Variants in DEPDC5 observed in about 807,000 individuals in gnomAD.
DEPDC5 encodes GATOR1 complex protein DEPDC5.
DEPDC5 carries 73 observed loss-of-function variants against 217.3 expected under a neutral mutation model. That is an observed-to-expected ratio of 0.34 (90% confidence interval 0.28 to 0.41). The LOEUF is 0.41. Among genes scored for constraint, DEPDC5 ranks in the 10% least tolerant of loss-of-function variants. The probability of loss-of-function intolerance (pLI) is 1.00; values close to 1 mark genes in which losing one functional copy is unlikely to be tolerated. For missense variants in DEPDC5, 1,675 were observed against 2,070.1 expected (o/e 0.81, Z 3.70); for synonymous variants, 733 against 756.7 (o/e 0.97, Z 0.51).
chr22:31,834,234 G>A (rs1403883235), intron 25 of DEPDC5: 7 of 495,320 alleles, frequency 1.4e-5, no homozygotes, highest in East Asian at 1.0e-4. Context: ...TCCCTATAAG[G>A]CCCCCATGCT....
intron 14 of DEPDC5, among the ~76,000 whole-genome samples, chr22:31,800,919 C>T (rs1459759425): frequency 1.3e-5 from 2 of 149,148 alleles, no homozygotes; most frequent in African/African-American, 2.5e-5. Context: ...GAGGTTGTGG[C>T]GAGCAGAGAT....
At chr22:31,795,065 A>ATTTTTT (rs983604458) in intron 12 of DEPDC5, among the ~76,000 whole-genome samples, 19 of 107,366 alleles carry the variant, frequency 1.8e-4, no homozygotes, top group East Asian at 8.0e-4. Context: ...ATTCCATGTG[A>ATTTTTT]TTTTTTTTTT....
Position 31,901,622 on chromosome 22 carries a change from G to T in DEPDC5, c.4376-120G>T, listed in dbSNP as rs2093650075. ...TTCTCAAAGGGCGTAGTATGGAGAA[G>T]CAGAGGTTAGGCTCAAGGGGACTGA... On this transcript the variant is annotated intron_variant, in intron 40 of 42. Transcript: ENST00000651528. The T allele has an allele frequency of 5.0e-6, 4 of 801,204 alleles. No homozygotes were observed. In the East Asian group the frequency reaches 1.2e-4, roughly 23 times the overall value. 49.6% of individuals were successfully genotyped at this position (801,204 alleles called of 1,614,324 possible).
chr22:31,887,307 C>T (rs2093339692), intron 38 of DEPDC5, among the ~76,000 whole-genome samples: 1 of 149,264 alleles, frequency 6.7e-6, no homozygotes, highest in Admixed American at 6.8e-5. Context: ...GTAATTCCAG[C>T]TGCTCGGGAG....
chr22:31,865,493 T>TCAAAACAAAACAAAA (rs111677630), intron 33 of DEPDC5, among the ~76,000 whole-genome samples: 8 of 151,994 alleles, frequency 5.3e-5, no homozygotes, highest in African/African-American at 1.7e-4. Flanking sequence ...AAGACCTGTC[T>TCAAAACAAAACAAAA]CAAAACAAAA....
At chr22:31,859,918 A>G (rs1441701447) in intron 32 of DEPDC5, among the ~76,000 whole-genome samples, 1 of 152,204 alleles carries the variant, frequency 6.6e-6, no homozygotes, top group East Asian at 1.9e-4. Context: ...ATGTTCTGGC[A>G]GTTAGAAGGG....
Position 31,823,049 on chromosome 22 carries a change from G to A in DEPDC5, c.2104+259G>A, listed in dbSNP as rs78974609. 4,737 of 424,548 alleles carry A rather than the reference G, an allele frequency of 0.011. 133 individuals are homozygous for A. The highest frequency in any genetic ancestry group is 0.065 in the African/African-American group (3,191 of 49,362). The allele number at this position is 424,548 out of a possible 1,614,324, so 26.3% of individuals were successfully genotyped here. A position where few individuals can be genotyped will look rare whatever the true frequency, so the allele number is the denominator to read the frequency against. On this transcript the variant is annotated intron_variant, in intron 24 of 42. Transcript: ENST00000651528. ...CAGAGTTGTGATTGAGGGCAGCTTA[G>A]GAGCATAGTATTGAGGGCAACACCA... is the stretch of plus-strand genomic sequence containing the variant.
At chr22:31,853,727 T>C (rs185999242) in intron 31 of DEPDC5, among the ~76,000 whole-genome samples, 14 of 152,332 alleles carry the variant, frequency 9.2e-5, no homozygotes, top group Non-Finnish European at 2.9e-5. Flanking sequence ...TTTGTGCTGA[T>C]TAATAGCAGT....
At chr22:31,838,094 C>T (rs537258018) in intron 26 of DEPDC5, among the ~76,000 whole-genome samples, 3 of 152,122 alleles carry the variant, frequency 2.0e-5, no homozygotes, top group African/African-American at 7.2e-5. Context: ...TTTTTAACTC[C>T]AGTTGGTTCT....
At position 31,879,067 on chromosome 22, in the gene DEPDC5, T is replaced by TAC. The variant is rs1190686323; in HGVS notation, c.3806-445_3806-444dup. On this transcript the variant is annotated intron_variant, in intron 37 of 42. Coordinates refer to ENST00000651528, the MANE Select transcript of DEPDC5 (RefSeq NM_001242896.3). ...AAATATATATATATATATATATATA[T>TAC]ACACACACACACACGTATATATATA... Among the ~76,000 whole-genome samples, 892 of 133,640 alleles carry TAC rather than the reference T, an allele frequency of 6.7e-3. 3 individuals are homozygous for TAC. The highest frequency in any genetic ancestry group is 0.012 in the Middle Eastern group (3 of 254). 87.7% of individuals were successfully genotyped at this position (133,640 alleles called of 152,430 possible). A position where few individuals can be genotyped will look rare whatever the true frequency, so the allele number is the denominator to read the frequency against.
At chr22:31,874,752 A>T (rs1388088938) in intron 36 of DEPDC5, among the ~76,000 whole-genome samples, 1 of 151,972 alleles carries the variant, frequency 6.6e-6, no homozygotes, top group Non-Finnish European at 1.5e-5. Context: ...CTTATTCAAG[A>T]CTCAATGCTG....
intron 7 of DEPDC5, among the ~76,000 whole-genome samples, chr22:31,773,152 A>C (rs1253496424): frequency 1.3e-5 from 2 of 152,132 alleles, no homozygotes; most frequent in African/African-American, 2.4e-5. Context: ...TAGATGGAGA[A>C]AAGAAAACCC....
In DEPDC5 at chr22:31,759,355, G is replaced by GT. The variant is rs967462029; in HGVS notation, c.146+730dup. On this transcript the variant is annotated intron_variant, in intron 3 of 42. Coordinates refer to ENST00000651528, the MANE Select transcript of DEPDC5 (RefSeq NM_001242896.3). ...CAGGCATGAGCCACCATACCGAGCC[G>GT]TTTTTTTTGTTTTTTTTGTTTTTTT... is the stretch of plus-strand genomic sequence containing the variant. 5.3e-5 allele frequency among the ~76,000 whole-genome samples: 7 copies of GT among 132,478 alleles called. No homozygotes were observed. In the South Asian group the frequency reaches 7.6e-4, roughly 14 times the overall value. 86.9% of individuals were successfully genotyped at this position (132,478 alleles called of 152,430 possible).
In DEPDC5 at chr22:31,870,608, G is replaced by A. The variant is rs1569159892; in HGVS notation, c.3349G>A (p.Ala1117Thr). The A allele has an allele frequency of 6.5e-7, 1 of 1,547,106 alleles. No homozygotes were observed. Among genetic ancestry groups the A allele is most frequent in the Non-Finnish European group, 8.7e-7 (1 of 1,150,848 alleles). The change falls in exon 34 of 43, where the codon GCC (alanine) becomes ACC (threonine). Residue 1117 changes from alanine to threonine, a missense_variant. This residue lies in a region of DEPDC5 where 126 missense variants were observed against 113.8 expected (regional missense o/e 1.11). Coordinates refer to ENST00000651528, the MANE Select transcript of DEPDC5 (RefSeq NM_001242896.3). ...FYPQVSVDQT[A>T]TPMLDGTSLG... ...CCTGCAGGTATCTGTGGACCAAACAGCCACTCCTATGTTGGACGGCACCAG... is the reference window on the plus strand; with the variant it reads ...CCTGCAGGTATCTGTGGACCAAACAACCACTCCTATGTTGGACGGCACCAG...
At chr22:31,808,258 ATT>A (rs961201691) in intron 18 of DEPDC5, among the ~76,000 whole-genome samples, 23 of 133,070 alleles carry the variant, frequency 1.7e-4, no homozygotes, top group Non-Finnish European at 1.3e-4. Context: ...ACCATGCCTA[ATT>A]TTTTTTTTTT....
chr22:31,861,747 G>A (rs2092522552), intron 33 of DEPDC5, among the ~76,000 whole-genome samples: 1 of 152,130 alleles, frequency 6.6e-6, no homozygotes, highest in African/African-American at 2.4e-5. Flanking sequence ...GGTTTTATGA[G>A]CAACATGAAA....
intron 7 of DEPDC5, among the ~76,000 whole-genome samples, chr22:31,771,061 G>A (rs999158419): frequency 8.5e-5 from 13 of 152,128 alleles, no homozygotes; most frequent in African/African-American, 3.1e-4. Flanking sequence ...GGGATTATAG[G>A]CGTTGAGCCA....
At chr22:31,784,652 CCTT>C in intron 9 of DEPDC5, 159 bp from the exon 10 acceptor site, 1 of 571,820 alleles carries the variant, frequency 1.7e-6, no homozygotes, top group Non-Finnish European at 3.0e-6. Context: ...ACAAAATACA[CCTT>C]CTTTTTGGTC....
Position 31,815,004 on chromosome 22 carries a change from G to A in DEPDC5, c.1458G>A (p.Glu486=), listed in dbSNP as rs1458605715. ...TCTTGCCTGGCAGATCTGTGCGAGA[G>A]CGAGAGAGTCACAGTCGAAAGAGTG... ...QCLTTCRSVR[E]RESHSRKSAS... The change falls in exon 21 of 43, where the codon GAG becomes GAA. Residue 486 remains glutamate (E), a synonymous_variant. Transcript: ENST00000651528. The A allele has an allele frequency of 1.2e-6, 2 of 1,613,966 alleles. No individual in the cohort carries two copies. The highest frequency in any genetic ancestry group is 1.7e-5 in the Admixed American group (1 of 59,998).
Sources: allele counts gnomAD v4.1 joint callset (sites outside exome capture counted in the v4.1 genomes callset), GRCh38; gene constraint gnomAD v4.1.1; regional missense constraint gnomAD v4.1.1; transcripts MANE v1.5; gene names NCBI Gene and HGNC (gene_info 2026-07-23, HGNC 2026-07-21).